The following DEPDC1B variants were observed in gnomAD, a reference collection of about 807,000 sequenced individuals.
DEPDC1B encodes the protein DEP domain containing 1B.
A neutral mutation model predicts 66.5 loss-of-function variants in DEPDC1B; 51 were observed. The observed-to-expected ratio is 0.77, with a 90% CI of 0.61 to 0.97. The LOEUF (loss-of-function observed/expected upper bound fraction) is 0.97. DEPDC1B is among the 50% of genes least tolerant of loss of function. DEPDC1B has a pLI of 0.00. For synonymous variants in DEPDC1B, 226 were observed against 223.6 expected (o/e 1.01, Z -0.10); for missense variants, 552 against 637.1 (o/e 0.87, Z 1.44).
chr5:60,673,224 G>A (rs142371338), intron 2 of DEPDC1B, among the ~76,000 whole-genome samples: 62 of 152,298 alleles, frequency 4.1e-4, no homozygotes, highest in African/African-American at 1.4e-3. Context: ...TTCAAGCAGA[G>A]TTAATTCCTC....
Position 60,644,824 on chromosome 5 carries a change from T to A in DEPDC1B, c.630A>T (p.Lys210Asn). 2 of 1,611,630 alleles carry A rather than the reference T, an allele frequency of 1.2e-6. No homozygotes were observed. Among genetic ancestry groups the A allele is most frequent in the Non-Finnish European group, 1.7e-6 (2 of 1,178,656 alleles). Residue 210 changes from lysine to asparagine, a missense_variant, in exon 5 of 11, where the codon AAA becomes AAT. Physicochemically the swap from Lys to Asn is moderately conservative, Grantham distance 94. Coordinates refer to ENST00000265036, the MANE Select transcript of DEPDC1B (RefSeq NM_018369.3). ...GGATGATGAACTTCGAATTGACAAG[T>A]TTGACGTCTAAAACTTCTTCTAAGG... ...LDSLEEVLDV[K>N]LVNSKFIIHN...
chr5:60,599,375 C>T (rs1347667550), intron 9 of DEPDC1B, 115 bp from the exon 10 acceptor site: 1 of 684,680 alleles, frequency 1.5e-6, no homozygotes, highest in Non-Finnish European at 2.1e-6. Context: ...CCATGTTAGT[C>T]CTCAAAATTT....
chr5:60,683,829 C>T (rs537130133), intron 2 of DEPDC1B, among the ~76,000 whole-genome samples: 1 of 152,172 alleles, frequency 6.6e-6, no homozygotes, highest in Admixed American at 6.5e-5. Flanking sequence ...ACTCCCTTTT[C>T]ACAAACGACA....
At chr5:60,677,897 A>G (rs1754207659) in intron 2 of DEPDC1B, among the ~76,000 whole-genome samples, 1 of 152,192 alleles carries the variant, frequency 6.6e-6, no homozygotes, top group Non-Finnish European at 1.5e-5. Flanking sequence ...TAGAAAAACA[A>G]AAGATGTCCA....
At chr5:60,668,104 G>T (rs1378228824) in intron 2 of DEPDC1B, among the ~76,000 whole-genome samples, 1 of 77,106 alleles carries the variant, frequency 1.3e-5, no homozygotes, top group Non-Finnish European at 2.3e-5. Context: ...TATATAAAAT[G>T]GATATTTTAT....
intron 2 of DEPDC1B, among the ~76,000 whole-genome samples, chr5:60,657,826 G>A (rs921934642): frequency 6.6e-6 from 1 of 152,124 alleles, no homozygotes; most frequent in African/African-American, 2.4e-5. Context: ...CTTGTATTTG[G>A]ATGTCTAGAT....
intron 7 of DEPDC1B, among the ~76,000 whole-genome samples, chr5:60,625,880 A>T (rs563464136): frequency 6.6e-6 from 1 of 152,232 alleles, no homozygotes; most frequent in Admixed American, 6.5e-5. Flanking sequence ...AAGCTCACTG[A>T]TCTTTAACTT....
At chr5:60,661,630 C>G (rs535489723) in intron 2 of DEPDC1B, among the ~76,000 whole-genome samples, 1 of 152,260 alleles carries the variant, frequency 6.6e-6, no homozygotes, top group South Asian at 2.1e-4. Flanking sequence ...AGGGCTAGGA[C>G]AATCCTTTGA....
At position 60,659,453 on chromosome 5, in the gene DEPDC1B, C is replaced by G. The variant is rs182985992; in HGVS notation, c.315-11920G>C. ...ACTTAAGACTCAGGTGTGAGGCTAT[C>G]TAGGGAAGGGCTTTCTAACAACCCC... On this transcript the variant is annotated intron_variant, in intron 2 of 10. Transcript: ENST00000265036. Among the ~76,000 whole-genome samples, 6 of 152,298 alleles carry G rather than the reference C, an allele frequency of 3.9e-5. No individual in the cohort carries two copies. The East Asian group carries it at 9.7e-4, about 25-fold the overall frequency.
chr5:60,644,630 C>G, intron 5 of DEPDC1B, 115 bp downstream of exon 5: 1 of 792,614 alleles, frequency 1.3e-6, no homozygotes, highest in South Asian at 2.9e-5. Context: ...AAAGAATATA[C>G]GTAATGAAGG....
intron 9 of DEPDC1B, 63 bp from the exon 10 acceptor site, chr5:60,599,323 GT>G: frequency 2.3e-6 from 3 of 1,325,210 alleles, no homozygotes; most frequent in Non-Finnish European, 3.0e-6. Context: ...ATAAGAATTA[GT>G]TTAGATCAAA....
chr5:60,644,612 G>C, intron 5 of DEPDC1B, 133 bp downstream of exon 5: 1 of 616,242 alleles, frequency 1.6e-6, no homozygotes, highest in Non-Finnish European at 2.5e-6. Flanking sequence ...TTTGTTAAAA[G>C]GTATTAGAAA....
chr5:60,611,676 A>G (rs1356758112), intron 7 of DEPDC1B, among the ~76,000 whole-genome samples: 1 of 152,218 alleles, frequency 6.6e-6, no homozygotes, highest in African/African-American at 2.4e-5. Flanking sequence ...CAATCACAAC[A>G]TTTCTTTAAG....
chr5:60,680,928 A>G (rs1754282882), intron 2 of DEPDC1B, among the ~76,000 whole-genome samples: 1 of 152,210 alleles, frequency 6.6e-6, no homozygotes, highest in Non-Finnish European at 1.5e-5. Context: ...CTCATTTCAA[A>G]TCCTGACTCT....
At position 60,597,835 on chromosome 5, in the gene DEPDC1B, G is replaced by C. The variant is rs748495095; in HGVS notation, c.1508C>G (p.Pro503Arg). ...CATTAGCAGCTGTGGTTTCGGTTTG[G>C]GTTTTTCAGGAAACAGAAGTGCTGC... Reference protein sequence around the residue: ...ESAALLFPEKPKPKPQLLMWA... With the variant: ...ESAALLFPEKRKPKPQLLMWA... Residue 503 changes from proline to arginine, a missense_variant, in exon 11 of 11, where the codon CCC becomes CGC. Coordinates refer to ENST00000265036, the MANE Select transcript of DEPDC1B (RefSeq NM_018369.3). 1.2e-6 allele frequency: 2 copies of C among 1,613,336 alleles called. No homozygotes were observed. The highest frequency in any genetic ancestry group is 2.2e-5 in the South Asian group (2 of 91,020).
Position 60,645,488 on chromosome 5 carries a change from A to C in DEPDC1B, c.578+4T>G, listed in dbSNP as rs776776565. On this transcript the variant is annotated splice_donor_region_variant and intron_variant, in intron 4 of 10. Coordinates refer to ENST00000265036, the MANE Select transcript of DEPDC1B (RefSeq NM_018369.3). The stretch of plus-strand genomic sequence containing the variant: ...AATTTCTCATTAATATCAAATGTAC[A>C]TACTATGATAATGTCATAGACTTCC... 1 of 1,603,176 alleles carries C rather than the reference A, an allele frequency of 6.2e-7. No individual in the cohort carries two copies. The highest frequency in any genetic ancestry group is 8.5e-7 in the Non-Finnish European group (1 of 1,175,706).
In DEPDC1B at chr5:60,598,950, C is replaced by T. The variant is rs1752147986; in HGVS notation, c.1428+125G>A. The T allele has an allele frequency of 3.9e-6, 3 of 761,542 alleles. No homozygotes were observed. In the African/African-American group the frequency reaches 5.4e-5, roughly 14 times the overall value. The allele number at this position is 761,542 out of a possible 1,614,324, so 47.2% of individuals were successfully genotyped here. ...CAGTGAGACTTCTAGAATGTATGAA[C>T]TAATATACTTAGAAAACTGCTATGG... On this transcript the variant is annotated intron_variant, in intron 10 of 10. Transcript: ENST00000265036.
At chr5:60,599,681 C>A (rs2111697060) in intron 9 of DEPDC1B, among the ~76,000 whole-genome samples, 1 of 152,344 alleles carries the variant, frequency 6.6e-6, no homozygotes, top group Non-Finnish European at 1.5e-5. Flanking sequence ...CCGCTTAAGG[C>A]ATTCTTAAAC....
intron 1 of DEPDC1B, among the ~76,000 whole-genome samples, chr5:60,689,924 T>A (rs775031441): frequency 2.6e-5 from 4 of 152,056 alleles, no homozygotes; most frequent in Non-Finnish European, 5.9e-5. Context: ...TGCCTGTAGC[T>A]GCAGCTACTT....
Sources: allele counts gnomAD v4.1 joint callset (sites outside exome capture counted in the v4.1 genomes callset), GRCh38; gene constraint gnomAD v4.1.1; transcripts MANE v1.5; gene names NCBI Gene and HGNC (gene_info 2026-07-23, HGNC 2026-07-21).